The following KAZN variants were observed in gnomAD, a reference collection of about 807,000 sequenced individuals.
The protein encoded by KAZN is kazrin.
KAZN carries 40 observed loss-of-function variants against 87.4 expected under a neutral mutation model. The ratio of observed to expected loss-of-function variants is 0.46; its 90% CI spans 0.36 to 0.60. KAZN has a LOEUF of 0.60. Among genes scored for constraint, KAZN ranks in the 20% least tolerant of loss-of-function variants. The pLI is 0.00. For missense variants in KAZN, 898 were observed against 1,073.9 expected, an observed-to-expected ratio of 0.84 and a Z score of 2.29; for synonymous variants, 466 against 458.3, an observed-to-expected ratio of 1.02 and a Z score of -0.22.
chr1:15,049,092 C>A (rs1047446501), intron 4 of KAZN, among the ~76,000 whole-genome samples: 29 of 128,754 alleles, frequency 2.3e-4, no homozygotes, highest in Non-Finnish European at 2.2e-4. Context: ...CATGGGGTGA[C>A]GGCTTTGCCG....
rs111806216 is a variant in KAZN, at chr1:14,929,785, A to G, written c.227-30899A>G. 1.2e-3 allele frequency: 1,213 copies of G among 985,420 alleles called. 12 individuals carry two copies. In the African/African-American group the frequency reaches 0.02, roughly 16 times the overall value. 61.0% of individuals were successfully genotyped at this position (985,420 alleles called of 1,614,324 possible). On this transcript the variant is annotated intron_variant, in intron 1 of 14. Transcript: ENST00000376030. ...GTGCGTCTTATGTTGCGGGTGCCAG[A>G]TGAGTGCCTTTCAAGGGAGAGGGAA... is the stretch of plus-strand genomic sequence containing the variant.
chr1:14,208,921 T>C (rs1222475390), intron 2 of KAZN, among the ~76,000 whole-genome samples: 1 of 152,208 alleles, frequency 6.6e-6, no homozygotes, highest in East Asian at 1.9e-4. Flanking sequence ...TTCTAAGAGG[T>C]TCATAGACAT....
chr1:14,314,754 AT>A, intron 2 of KAZN, among the ~76,000 whole-genome samples: 1 of 152,228 alleles, frequency 6.6e-6, no homozygotes, highest in East Asian at 1.9e-4. Context: ...TGGTTGTGCA[AT>A]CACCATCATT....
intron 1 of KAZN, among the ~76,000 whole-genome samples, chr1:14,848,529 G>A (rs192635546): frequency 5.9e-5 from 9 of 152,296 alleles, no homozygotes; most frequent in East Asian, 5.8e-4. Flanking sequence ...ACTCCTTGTC[G>A]AGGAAAGCAA....
At chr1:15,042,914 C>T (rs1186840971) in intron 3 of KAZN, among the ~76,000 whole-genome samples, 1 of 152,150 alleles carries the variant, frequency 6.6e-6, no homozygotes, top group East Asian at 1.9e-4. Context: ...TAGAGCTCCC[C>T]GCTGGGACTG....
rs537254191 is a variant in KAZN, at chr1:15,051,546, G to A, written c.727-4545G>A. On this transcript the variant is annotated intron_variant, in intron 4 of 14. Transcript: ENST00000376030. ...AAATAGAGACTCTTTAATAACAATC[G>A]CTAATATTTGTTGGGTATTTTTACC... 2.0e-4 allele frequency among the ~76,000 whole-genome samples: 30 copies of A among 152,296 alleles called. No homozygotes were observed. The South Asian group carries it at 3.7e-3, about 19-fold the overall frequency.
intron 1 of KAZN, among the ~76,000 whole-genome samples, chr1:13,948,816 T>A (rs1641240803): frequency 6.6e-6 from 1 of 152,196 alleles, no homozygotes; most frequent in Admixed American, 6.5e-5. Context: ...TTTGCTGTTA[T>A]TTTCAGGAAT....
intron 10 of KAZN, among the ~76,000 whole-genome samples, chr1:15,100,037 TAA>T (rs962813560): frequency 6.6e-5 from 10 of 151,972 alleles, no homozygotes; most frequent in African/African-American, 2.4e-4. Context: ...CAGGCAGCGT[TAA>T]GAGGACAGCT....
At chr1:14,142,689 C>T (rs571692936) in intron 1 of KAZN, among the ~76,000 whole-genome samples, 2 of 152,332 alleles carry the variant, frequency 1.3e-5, no homozygotes, top group Admixed American at 6.5e-5. Flanking sequence ...ACATTTGTCT[C>T]ACTTCATTTT....
intron 7 of KAZN, 60 bp from the exon 8 acceptor site, chr1:15,065,570 A>C: frequency 6.9e-7 from 1 of 1,453,008 alleles, no homozygotes; most frequent in South Asian, 1.3e-5. Flanking sequence ...TCTGCACCCC[A>C]GCTAAGCTTG....
At chr1:14,397,270 T>C (rs1024947427) in intron 2 of KAZN, among the ~76,000 whole-genome samples, 2 of 148,922 alleles carry the variant, frequency 1.3e-5, no homozygotes, top group South Asian at 2.2e-4. Flanking sequence ...CTCACAGTTT[T>C]GGAGACTGGA....
chr1:14,852,947 A>G (rs181646955), intron 1 of KAZN, among the ~76,000 whole-genome samples: 20 of 152,266 alleles, frequency 1.3e-4, no homozygotes, highest in Admixed American at 2.6e-4. Context: ...GGTGATTCCT[A>G]TGCTCTTTGA....
intron 1 of KAZN, among the ~76,000 whole-genome samples, chr1:14,678,096 C>T (rs1023996439): frequency 1.3e-5 from 2 of 152,126 alleles, no homozygotes; most frequent in African/African-American, 2.4e-5. Flanking sequence ...CTGGATTGGA[C>T]TGAAGATGCA....
rs575397981 is a variant in KAZN, at chr1:15,022,795, A to G, written c.419-11954A>G. On this transcript the variant is annotated intron_variant, in intron 2 of 14. Transcript: ENST00000376030. ...GGGTTGGTGTTCTAGGTCCCCGCTC[A>G]TGCACCTGTCTGACTCATGATCCCT... Among the ~76,000 whole-genome samples, 4 of 152,318 alleles carry G rather than the reference A, an allele frequency of 2.6e-5. No homozygotes were observed. In the South Asian group the frequency reaches 8.3e-4, roughly 32 times the overall value.
chr1:14,512,879 T>C (rs1285605271), intron 2 of KAZN, among the ~76,000 whole-genome samples: 1 of 152,214 alleles, frequency 6.6e-6, no homozygotes, highest in Non-Finnish European at 1.5e-5. Context: ...ACACCTTCCT[T>C]GGACGATCAG....
chr1:14,001,150 C>T (rs1639775762), intron 1 of KAZN, among the ~76,000 whole-genome samples: 1 of 152,162 alleles, frequency 6.6e-6, no homozygotes, highest in Non-Finnish European at 1.5e-5. Flanking sequence ...TAAGCAACTT[C>T]AGCAAAGTCT....
chr1:14,234,198 A>G (rs1032665307), intron 2 of KAZN, among the ~76,000 whole-genome samples: 2 of 152,206 alleles, frequency 1.3e-5, no homozygotes, highest in Non-Finnish European at 2.9e-5. Flanking sequence ...GAACATATAT[A>G]CCATGGAATA....
intron 2 of KAZN, among the ~76,000 whole-genome samples, chr1:14,341,961 C>T (rs1657759175): frequency 6.6e-6 from 1 of 152,166 alleles, no homozygotes; most frequent in South Asian, 2.1e-4. Flanking sequence ...AGTTATTCCT[C>T]CTGCTCATCT....
intron 8 of KAZN, among the ~76,000 whole-genome samples, chr1:15,068,370 CTG>C (rs1268303686): frequency 1.3e-5 from 2 of 152,126 alleles, no homozygotes; most frequent in African/African-American, 4.8e-5. Context: ...GCCGCCCTGA[CTG>C]TAATTTGGAG....
Sources: allele counts gnomAD v4.1 joint callset (sites outside exome capture counted in the v4.1 genomes callset), GRCh38; gene constraint gnomAD v4.1.1; transcripts MANE v1.5; gene names NCBI Gene and HGNC (gene_info 2026-07-23, HGNC 2026-07-21).